The following ALKAL1 variants were observed in gnomAD, a reference collection of about 807,000 sequenced individuals.
ALKAL1 encodes the protein ALK and LTK ligand 1.
A neutral mutation model predicts 13.5 loss-of-function variants in ALKAL1; 23 were observed. The observed-to-expected ratio is 1.70, with a 90% CI of 1.23 to 2.41. The LOEUF (loss-of-function observed/expected upper bound fraction) is 2.41. Ranked by LOEUF, ALKAL1 falls within the 30% of genes most tolerant of loss-of-function variation. The probability of loss-of-function intolerance (pLI) is 0.00; values close to 1 mark genes in which losing one functional copy is unlikely to be tolerated. For synonymous variants in ALKAL1, 85 were observed against 77.7 expected (o/e 1.09, Z -0.49); for missense variants, 181 against 178.4 (o/e 1.01, Z -0.08).
chr8:52,555,838 T>G (rs964040416), intron 1 of ALKAL1, among the ~76,000 whole-genome samples: 1 of 152,176 alleles, frequency 6.6e-6, no homozygotes, highest in East Asian at 1.9e-4. Flanking sequence ...GTGCTTCCCC[T>G]GTGGCCTTGT....
At chr8:52,561,226 T>C (rs1393744495) in intron 1 of ALKAL1, among the ~76,000 whole-genome samples, 1 of 152,160 alleles carries the variant, frequency 6.6e-6, no homozygotes, top group Non-Finnish European at 1.5e-5. Flanking sequence ...TAGAGAGAAT[T>C]TGGGCTGTAC....
chr8:52,563,758 G>A (rs889764019), intron 1 of ALKAL1, among the ~76,000 whole-genome samples: 2 of 152,176 alleles, frequency 1.3e-5, no homozygotes, highest in African/African-American at 4.8e-5. Context: ...GCTGGACTGA[G>A]AGGCTCTGCC....
chr8:52,539,506 T>C (rs1847293098), intron 3 of ALKAL1, among the ~76,000 whole-genome samples: 1 of 152,200 alleles, frequency 6.6e-6, no homozygotes, highest in South Asian at 2.1e-4. Flanking sequence ...CATCTCATTT[T>C]TTTCATTTAT....
chr8:52,555,069 G>A (rs1368635197), intron 1 of ALKAL1, among the ~76,000 whole-genome samples: 1 of 152,002 alleles, frequency 6.6e-6, no homozygotes, highest in Non-Finnish European at 1.5e-5. Context: ...TACTCAGGAG[G>A]CTGAGGCAGG....
intron 1 of ALKAL1, among the ~76,000 whole-genome samples, chr8:52,561,315 G>A (rs1202059671): frequency 6.6e-6 from 1 of 152,042 alleles, no homozygotes; most frequent in Admixed American, 6.5e-5. Context: ...CAGATCTTTG[G>A]GGATATTTGC....
intron 1 of ALKAL1, among the ~76,000 whole-genome samples, chr8:52,557,443 T>C (rs1847496238): frequency 6.6e-6 from 1 of 152,246 alleles, no homozygotes; most frequent in Non-Finnish European, 1.5e-5. Context: ...CAATAGCCAA[T>C]CTGATACTGT....
chr8:52,545,000 CCA>C (rs1006580518), intron 1 of ALKAL1, among the ~76,000 whole-genome samples: 13 of 152,278 alleles, frequency 8.5e-5, no homozygotes, highest in East Asian at 7.7e-4. Flanking sequence ...ACTGAAGCCT[CCA>C]CCACCTGGGC....
Position 52,534,533 on chromosome 8 carries a change from CT to C in ALKAL1, c.*79del. On this transcript the variant is annotated 3_prime_UTR_variant, in exon 5 of 5. Coordinates refer to ENST00000358543, the MANE Select transcript of ALKAL1 (RefSeq NM_207413.4). ...ATATCCATAAAAATATAAATTTCAT[CT>C]TTTTTTACATTTTGCATGATTTGAG... 5 of 584,986 alleles carry C rather than the reference CT, an allele frequency of 8.5e-6. No individual in the cohort carries two copies. Among genetic ancestry groups the C allele is most frequent in the South Asian group, 6.7e-5 (3 of 44,686 alleles). The allele number at this position is 584,986 out of a possible 1,614,324, so 36.2% of individuals were successfully genotyped here.
rs1563320411 is a variant in ALKAL1, at chr8:52,542,460, AAAAC to A, written c.191-19_191-16del. On this transcript the variant is annotated splice_polypyrimidine_tract_variant and intron_variant, in intron 1 of 4. Coordinates refer to ENST00000358543, the MANE Select transcript of ALKAL1 (RefSeq NM_207413.4). The stretch of plus-strand genomic sequence containing the variant: ...TGGGAATATTTCTGAAAAGAAAAAA[AAAAC>A]CATCAGAATTTATTGAATGCATTTC... 6.8e-7 allele frequency: 1 copy of A among 1,460,570 alleles called. No homozygotes were observed. Among genetic ancestry groups the A allele is most frequent in the African/African-American group, 1.4e-5 (1 of 70,174 alleles). The allele number at this position is 1,460,570 out of a possible 1,614,324, so 90.5% of individuals were successfully genotyped here. A position where few individuals can be genotyped will look rare whatever the true frequency, so the allele number is the denominator to read the frequency against.
intron 1 of ALKAL1, among the ~76,000 whole-genome samples, chr8:52,546,361 A>G (rs1242378110): frequency 6.6e-6 from 1 of 152,206 alleles, no homozygotes; most frequent in Non-Finnish European, 1.5e-5. Context: ...ACTATGGCTC[A>G]CTGTAGAAAG....
At chr8:52,548,041 C>T (rs563832420) in intron 1 of ALKAL1, among the ~76,000 whole-genome samples, 12 of 152,232 alleles carry the variant, frequency 7.9e-5, no homozygotes, top group South Asian at 4.1e-4. Flanking sequence ...TGGTGTTGGA[C>T]GGCATAAGTC....
At chr8:52,557,108 G>C (rs1847492333) in intron 1 of ALKAL1, among the ~76,000 whole-genome samples, 1 of 152,160 alleles carries the variant, frequency 6.6e-6, no homozygotes, top group Non-Finnish European at 1.5e-5. Context: ...CTCAGCATCA[G>C]GCATATATGC....
chr8:52,553,848 T>G (rs1335101312), intron 1 of ALKAL1, among the ~76,000 whole-genome samples: 1 of 152,216 alleles, frequency 6.6e-6, no homozygotes, highest in African/African-American at 2.4e-5. Flanking sequence ...CAGTTTCTGG[T>G]TTAATCTAGT....
At chr8:52,564,319 C>T (rs1847579429) in intron 1 of ALKAL1, among the ~76,000 whole-genome samples, 1 of 152,200 alleles carries the variant, frequency 6.6e-6, no homozygotes, top group Non-Finnish European at 1.5e-5. Context: ...TCCTGCCCTC[C>T]TCCCTCCAGC....
At chr8:52,538,896 AATTTATTTATTTACTT>A (rs1391946479) in intron 3 of ALKAL1, among the ~76,000 whole-genome samples, 39 of 151,936 alleles carry the variant, frequency 2.6e-4, no homozygotes, top group African/African-American at 8.9e-4. Context: ...TTGGAATTTT[AATTTATTTATTTACTT>A]ATTTATTTAT....
At chr8:52,557,246 C>T (rs930761149) in intron 1 of ALKAL1, among the ~76,000 whole-genome samples, 4 of 152,304 alleles carry the variant, frequency 2.6e-5, no homozygotes, top group African/African-American at 9.6e-5. Context: ...AGCCGCCTGC[C>T]TGCAGCTCCT....
intron 1 of ALKAL1, among the ~76,000 whole-genome samples, chr8:52,561,048 T>G (rs1478622071): frequency 6.6e-6 from 1 of 152,150 alleles, no homozygotes; most frequent in Non-Finnish European, 1.5e-5. Flanking sequence ...GTTGCACACT[T>G]TAAATATATA....
chr8:52,538,984 G>T (rs1428988968), intron 3 of ALKAL1, among the ~76,000 whole-genome samples: 3 of 152,016 alleles, frequency 2.0e-5, no homozygotes, highest in East Asian at 3.8e-4. Flanking sequence ...TAGAGACAGG[G>T]TTTCACCATG....
intron 1 of ALKAL1, among the ~76,000 whole-genome samples, chr8:52,556,646 CAAAAAAAAAAAAAAA>C (rs59483863): frequency 1.9e-5 from 1 of 51,372 alleles, no homozygotes; most frequent in East Asian, 4.4e-4. Flanking sequence ...AACTCTGTCT[CAAAAAAAAAAAAAAA>C]AAAAAAAAAA....
Sources: gnomAD v4.1 joint callset for allele counts (sites outside exome capture counted in the v4.1 genomes callset) on GRCh38, gnomAD v4.1.1 for gene constraint, MANE v1.5 for transcripts, NCBI Gene and HGNC (gene_info 2026-07-23, HGNC 2026-07-21) for gene names.